Variants in HS3ST5 observed in about 807,000 individuals in gnomAD.
HS3ST5 encodes the protein heparan sulfate-glucosamine 3-sulfotransferase 5.
Under a neutral mutation model 25.4 loss-of-function variants are expected in HS3ST5, and 10 were observed. That is an observed-to-expected ratio of 0.39 (90% CI 0.24 to 0.67). HS3ST5 has a LOEUF of 0.67. Among genes scored for constraint, HS3ST5 ranks in the 30% least tolerant of loss-of-function variants. The pLI is 0.44. For synonymous variants in HS3ST5, 170 were observed against 162.4 expected (o/e 1.05, Z -0.36); for missense variants, 324 against 420.7 (o/e 0.77, Z 2.01).
chr6:114,145,963 C>T (rs1311003147), intron 3 of HS3ST5, among the ~76,000 whole-genome samples: 1 of 152,162 alleles, frequency 6.6e-6, no homozygotes, highest in Non-Finnish European at 1.5e-5. Context: ...AAGGAAAGTA[C>T]ATTTTCCTAA....
intron 3 of HS3ST5, among the ~76,000 whole-genome samples, chr6:114,145,291 G>A (rs1778103205): frequency 6.6e-6 from 1 of 152,136 alleles, no homozygotes; most frequent in South Asian, 2.1e-4. Flanking sequence ...ACCTCACACT[G>A]AAATTTCATC....
In HS3ST5 at chr6:114,058,119, G is replaced by A. The variant is rs1368296798; in HGVS notation, c.179C>T (p.Ala60Val). 1 of 1,613,906 alleles carries A rather than the reference G, an allele frequency of 6.2e-7. No individual in the cohort carries two copies. The highest frequency in any genetic ancestry group is 2.2e-5 in the East Asian group (1 of 44,872). ...ARTQAEFPLR[A>V]LQFKRGLLHE... ...CAGCAGGCCACGCTTAAACTGCAGG[G>A]CGCGAAGTGGGAATTCAGCCTGAGT... The change falls in exon 5 of 5, where the codon GCC (alanine) becomes GTC (valine). Residue 60 changes from alanine to valine, a missense_variant. Ala to Val is a moderately conservative substitution (Grantham distance 64, BLOSUM62 0). This residue lies in a region of HS3ST5 where 121 missense variants were observed against 117.3 expected (regional missense o/e 1.03). Coordinates refer to ENST00000312719, the MANE Select transcript of HS3ST5 (RefSeq NM_153612.4).
chr6:114,180,064 T>C (rs201895338), intron 2 of HS3ST5, among the ~76,000 whole-genome samples: 5 of 152,128 alleles, frequency 3.3e-5, no homozygotes, highest in East Asian at 3.9e-4. Context: ...CCCACCCACA[T>C]TGAGGATGGG....
intron 3 of HS3ST5, chr6:114,084,273 C>G: frequency 1.2e-6 from 1 of 832,344 alleles, no homozygotes; most frequent in South Asian, 1.3e-5. Flanking sequence ...CAGTAGGGAA[C>G]TGCTGAATAG....
chr6:114,252,155 T>TA (rs35335651), intron 1 of HS3ST5, among the ~76,000 whole-genome samples: 76,964 of 149,542 alleles, frequency 0.51, 19,729 homozygotes, highest in Middle Eastern at 0.64. Flanking sequence ...CAGGCTCATC[T>TA]AAAAAAAAAA....
intron 3 of HS3ST5, among the ~76,000 whole-genome samples, chr6:114,072,341 G>A (rs1773871200): frequency 6.6e-6 from 1 of 152,096 alleles, no homozygotes; most frequent in African/African-American, 2.4e-5. Flanking sequence ...AACACAGATG[G>A]TAGAGTCATG....
At chr6:114,173,008 T>C (rs1029326949) in intron 2 of HS3ST5, among the ~76,000 whole-genome samples, 3 of 152,208 alleles carry the variant, frequency 2.0e-5, no homozygotes. Context: ...TGACTGGCAG[T>C]GAGTTCAGGT....
chr6:114,289,175 G>C (rs1774464736), intron 1 of HS3ST5, among the ~76,000 whole-genome samples: 1 of 151,886 alleles, frequency 6.6e-6, no homozygotes, highest in African/African-American at 2.4e-5. Flanking sequence ...TTTCATAGAA[G>C]ATATCATAAT....
intron 2 of HS3ST5, among the ~76,000 whole-genome samples, chr6:114,214,512 C>T (rs969893429): frequency 2.0e-5 from 3 of 152,116 alleles, no homozygotes; most frequent in South Asian, 2.1e-4. Flanking sequence ...GTAAGTTTCC[C>T]GTAAGATTTG....
At chr6:114,079,180 C>T (rs577031765) in intron 3 of HS3ST5, among the ~76,000 whole-genome samples, 1 of 152,230 alleles carries the variant, frequency 6.6e-6, no homozygotes, top group East Asian at 1.9e-4. Flanking sequence ...TAAATTAAGA[C>T]AACAGTGATT....
intron 3 of HS3ST5, among the ~76,000 whole-genome samples, chr6:114,118,520 A>G (rs537084453): frequency 1.3e-5 from 2 of 152,348 alleles, no homozygotes; most frequent in Admixed American, 6.5e-5. Context: ...ACCATTATTT[A>G]CCATTATCTT....
intron 3 of HS3ST5, among the ~76,000 whole-genome samples, chr6:114,072,640 G>A (rs2114736498): frequency 6.6e-6 from 1 of 152,180 alleles, no homozygotes; most frequent in East Asian, 1.9e-4. Context: ...TTCATATTCA[G>A]TCAATTCATG....
intron 1 of HS3ST5, among the ~76,000 whole-genome samples, chr6:114,327,037 T>G (rs1776201968): frequency 6.6e-6 from 1 of 152,216 alleles, no homozygotes; most frequent in Admixed American, 6.5e-5. Context: ...CAACTGCTGT[T>G]TCTTGGAATT....
chr6:114,179,830 C>G (rs994209275), intron 2 of HS3ST5, among the ~76,000 whole-genome samples: 1 of 152,208 alleles, frequency 6.6e-6, no homozygotes, highest in Non-Finnish European at 1.5e-5. Context: ...AGCAGGGAAA[C>G]TGACAGTGCA....
intron 2 of HS3ST5, among the ~76,000 whole-genome samples, chr6:114,213,360 G>C (rs947293650): frequency 6.1e-5 from 9 of 148,398 alleles, no homozygotes; most frequent in Non-Finnish European, 1.3e-4. Flanking sequence ...GGGGTGGGCA[G>C]GGCAGGCAAA....
chr6:114,320,984 G>C (rs569607562), intron 1 of HS3ST5, among the ~76,000 whole-genome samples: 2 of 149,590 alleles, frequency 1.3e-5, no homozygotes, highest in African/African-American at 4.9e-5. Context: ...GGCTAGTCTC[G>C]AACTCCTGGC....
chr6:114,285,880 G>A (rs986225079), intron 1 of HS3ST5, among the ~76,000 whole-genome samples: 16 of 151,804 alleles, frequency 1.1e-4, no homozygotes, highest in Admixed American at 2.0e-4. Context: ...TGAAGCCATC[G>A]CAAATAGTGG....
At chr6:114,248,631 G>A (rs903285197) in intron 1 of HS3ST5, among the ~76,000 whole-genome samples, 13 of 152,194 alleles carry the variant, frequency 8.5e-5, no homozygotes, top group African/African-American at 2.2e-4. Flanking sequence ...TTTATTGCAT[G>A]TCTGCTGTGG....
At chr6:114,099,161 G>T (rs888975648) in intron 3 of HS3ST5, among the ~76,000 whole-genome samples, 2 of 152,052 alleles carry the variant, frequency 1.3e-5, no homozygotes, top group Non-Finnish European at 2.9e-5. Flanking sequence ...AGCCACCTTA[G>T]GAATACACTA....
Sources: allele counts gnomAD v4.1 joint callset (sites outside exome capture counted in the v4.1 genomes callset), GRCh38; gene constraint gnomAD v4.1.1; regional missense constraint gnomAD v4.1.1; transcripts MANE v1.5; gene names NCBI Gene and HGNC (gene_info 2026-07-23, HGNC 2026-07-21).